The following CRLS1 variants were observed in gnomAD, a reference collection of about 807,000 sequenced individuals.
The protein encoded by CRLS1 is cardiolipin synthase (CMP-forming).
In CRLS1, 24 loss-of-function variants were observed where a neutral mutation model predicts 37.0. That is an observed-to-expected ratio of 0.65 (90% confidence interval 0.47 to 0.91). The LOEUF (loss-of-function observed/expected upper bound fraction) is 0.91. CRLS1 is among the 40% of genes least tolerant of loss of function. The pLI is 0.00. For missense variants in CRLS1, 373 were observed against 395.8 expected (o/e 0.94, Z 0.49); for synonymous variants, 135 against 159.7 (o/e 0.85, Z 1.17).
intron 3 of CRLS1, among the ~76,000 whole-genome samples, chr20:6,016,722 T>C (rs1201696609): frequency 1.3e-5 from 2 of 152,216 alleles, no homozygotes; most frequent in African/African-American, 2.4e-5. Flanking sequence ...CTTATATGAT[T>C]GGTGTAGGTT....
At chr20:6,021,724 G>A (rs1979303061) in intron 3 of CRLS1, among the ~76,000 whole-genome samples, 1 of 152,066 alleles carries the variant, frequency 6.6e-6, no homozygotes, top group South Asian at 2.1e-4. Context: ...ATTGATAGAT[G>A]TTTCATTCAG....
intron 3 of CRLS1, among the ~76,000 whole-genome samples, chr20:6,020,939 G>T (rs1364656707): frequency 6.6e-6 from 1 of 151,468 alleles, no homozygotes; most frequent in African/African-American, 2.4e-5. Flanking sequence ...GCCTAATCCT[G>T]CTTTTTAAGT....
chr20:6,020,387 A>G (rs994517158), intron 3 of CRLS1, among the ~76,000 whole-genome samples: 4 of 152,184 alleles, frequency 2.6e-5, no homozygotes, highest in East Asian at 1.9e-4. Flanking sequence ...TTAAAAATAA[A>G]TATATCTTAA....
rs2090070493 is a variant in CRLS1, at chr20:6,007,256, G to A, written c.306+704G>A. On this transcript the variant is annotated intron_variant, in intron 1 of 6. Coordinates refer to ENST00000378863, the MANE Select transcript of CRLS1 (RefSeq NM_019095.6). ...GGCCCCTGTACTGCTTTCATCAGTTGTACAGCATGGGTTGAGGTGGCCAGA... is the reference window on the plus strand; with the variant it reads ...GGCCCCTGTACTGCTTTCATCAGTTATACAGCATGGGTTGAGGTGGCCAGA... 7 of 1,537,160 alleles carry A rather than the reference G, an allele frequency of 4.6e-6. No homozygotes were observed. In the East Asian group the frequency reaches 1.7e-4, roughly 37 times the overall value.
rs144482146 is a variant in CRLS1, at chr20:6,007,516, A to G, written c.306+964A>G. 675 of 1,158,738 alleles carry G rather than the reference A, an allele frequency of 5.8e-4. 2 individuals carry two copies. The highest frequency in any genetic ancestry group is 4.1e-3 in the East Asian group (162 of 39,620). The allele number at this position is 1,158,738 out of a possible 1,614,324, so 71.8% of individuals were successfully genotyped here. On this transcript the variant is annotated intron_variant, in intron 1 of 6. Transcript: ENST00000378863. ...TGAGACACCTTAACTGAAATATTCT[A>G]TGTGGAGCTAAAAAGAACTCCCTTC...
chr20:6,014,337 C>A (rs111379432), intron 2 of CRLS1, among the ~76,000 whole-genome samples: 8 of 152,140 alleles, frequency 5.3e-5, no homozygotes, highest in Non-Finnish European at 1.0e-4. Context: ...TTTTTTACCA[C>A]GGTCCTGGAC....
In CRLS1 at chr20:6,006,288, G is replaced by T; in HGVS notation, c.42G>T (p.Leu14=). ...TGGCGCGCGGCTCGTGGGGGGCCCT[G>T]CGCGGCGCCGCTTGGGCTCCGGGAA... ...LRVARGSWGA[L]RGAAWAPGTR... Residue 14 remains leucine, a synonymous_variant, in exon 1 of 7, where the codon CTG becomes CTT. Transcript: ENST00000378863. 7.7e-7 allele frequency: 1 copy of T among 1,292,306 alleles called. No homozygotes were observed. Among genetic ancestry groups the T allele is most frequent in the South Asian group, 2.5e-5 (1 of 40,250 alleles). The allele number at this position is 1,292,306 out of a possible 1,614,324, so 80.1% of individuals were successfully genotyped here.
At chr20:6,025,995 A>G (rs1252700376) in intron 3 of CRLS1, among the ~76,000 whole-genome samples, 1 of 152,256 alleles carries the variant, frequency 6.6e-6, no homozygotes, top group Non-Finnish European at 1.5e-5. Context: ...GATTTAAAAT[A>G]TAACACAGAC....
At chr20:6,019,637 G>A (rs1417923878) in intron 3 of CRLS1, among the ~76,000 whole-genome samples, 1 of 134,296 alleles carries the variant, frequency 7.4e-6, no homozygotes, top group Non-Finnish European at 1.6e-5. Flanking sequence ...ATTACATCTT[G>A]TAGTTTTATT....
At chr20:6,026,921 T>G (rs551856040) in intron 3 of CRLS1, among the ~76,000 whole-genome samples, 3 of 152,308 alleles carry the variant, frequency 2.0e-5, no homozygotes, top group African/African-American at 7.2e-5. Flanking sequence ...TAACTTTTCC[T>G]GCAAAGGGCC....
intron 3 of CRLS1, among the ~76,000 whole-genome samples, chr20:6,017,320 T>C (rs1978838251): frequency 6.6e-6 from 1 of 152,254 alleles, no homozygotes; most frequent in African/African-American, 2.4e-5. Context: ...TACCTTTTCC[T>C]TTACATGGGA....
At chr20:6,029,578 C>T (rs36124635) in intron 3 of CRLS1, among the ~76,000 whole-genome samples, 6,456 of 152,180 alleles carry the variant, frequency 0.042, 151 homozygotes, top group Admixed American at 0.065. Flanking sequence ...AGGCTGATCT[C>T]GAACTCCTGA....
intron 3 of CRLS1, among the ~76,000 whole-genome samples, chr20:6,021,641 TA>T (rs1334549560): frequency 6.6e-6 from 1 of 152,212 alleles, no homozygotes; most frequent in Admixed American, 6.5e-5. Context: ...TAACATATTT[TA>T]AATAAAACCC....
intron 2 of CRLS1, 56 bp from the exon 3 acceptor site, chr20:6,015,305 T>C (rs932404561): frequency 4.1e-5 from 48 of 1,164,486 alleles, no homozygotes; most frequent in East Asian, 3.6e-4. Flanking sequence ...CTTCAGAATA[T>C]CTGCTTTGTT....
chr20:6,027,209 G>T (rs1385705591), intron 3 of CRLS1, among the ~76,000 whole-genome samples: 1 of 150,888 alleles, frequency 6.6e-6, no homozygotes, highest in Non-Finnish European at 1.5e-5. Flanking sequence ...TCAGCCTCCC[G>T]AGTAGCTGGG....
rs1042128591 is a variant in CRLS1 at position 6,033,106 on chromosome 20, T to A, written c.729+1026T>A. 2.0e-5 allele frequency among the ~76,000 whole-genome samples: 3 copies of A among 149,986 alleles called. No individual in the cohort carries two copies. In the East Asian group the frequency reaches 5.8e-4, roughly 29 times the overall value. ...ATTTTATATTTTATATTTTATTTTA[T>A]TTTAATTTAATTTAATTTTATTTTA... On this transcript the variant is annotated intron_variant, in intron 5 of 6. Coordinates refer to ENST00000378863, the MANE Select transcript of CRLS1 (RefSeq NM_019095.6).
chr20:6,025,958 G>C (rs1278157427), intron 3 of CRLS1, among the ~76,000 whole-genome samples: 1 of 152,184 alleles, frequency 6.6e-6, no homozygotes, highest in East Asian at 1.9e-4. Context: ...TGAAGATGTC[G>C]TGAACACTAT....
chr20:6,006,107 CTGGGG>C (rs2090049319), upstream of CRLS1: 1 of 413,388 alleles, frequency 2.4e-6, no homozygotes, highest in African/African-American at 2.1e-5. Context: ...GTGGAGTGTG[CTGGGG>C]TGTGTAAAGT....
chr20:6,011,647 G>A (rs774161792), intron 2 of CRLS1, among the ~76,000 whole-genome samples: 51 of 131,232 alleles, frequency 3.9e-4, no homozygotes, highest in Non-Finnish European at 7.6e-4. Context: ...GTGCAGTGGC[G>A]TGATGTCGGC....
Sources: allele counts gnomAD v4.1 joint callset (sites outside exome capture counted in the v4.1 genomes callset), GRCh38; gene constraint gnomAD v4.1.1; transcripts MANE v1.5; gene names NCBI Gene and HGNC (gene_info 2026-07-23, HGNC 2026-07-21).